RDH12: variants seen among roughly 807,000 people sequenced by gnomAD.
RDH12 encodes retinol dehydrogenase 12, also known as all-trans and 9-cis retinol dehydrogenase.
In RDH12, 21 loss-of-function variants were observed where a neutral mutation model predicts 34.0. The ratio of observed to expected loss-of-function variants is 0.62; its 90% CI spans 0.44 to 0.89. The LOEUF is 0.89. Ranked by LOEUF, RDH12 falls within the 40% of genes least tolerant of loss-of-function variation. The pLI is 0.00. For missense variants in RDH12, 394 were observed against 398.6 expected, an observed-to-expected ratio of 0.99 and a Z score of 0.10; for synonymous variants, 198 against 169.9, an observed-to-expected ratio of 1.17 and a Z score of -1.29.
chr14:67,718,398 G>T (rs1007134753), intron 1 of RDH12, among the ~76,000 whole-genome samples: 1 of 152,200 alleles, frequency 6.6e-6, no homozygotes, highest in Non-Finnish European at 1.5e-5. Context: ...CCAGGACAGG[G>T]ATAACCAGGA....
At chr14:67,721,467 G>C (rs903466637) in intron 2 of RDH12, among the ~76,000 whole-genome samples, 3 of 152,064 alleles carry the variant, frequency 2.0e-5, no homozygotes, top group African/African-American at 7.2e-5. Flanking sequence ...GCTCAGTCTT[G>C]AACTTCTGGC....
At chr14:67,708,531 A>T (rs563373124) in intron 1 of RDH12, among the ~76,000 whole-genome samples, 2 of 152,298 alleles carry the variant, frequency 1.3e-5, no homozygotes, top group South Asian at 4.1e-4. Context: ...TAAAGAAACA[A>T]TTGACAAGGA....
At chr14:67,722,332 G>T (rs928860223) in intron 2 of RDH12, 92 bp from the exon 3 acceptor site, 3 of 480,218 alleles carry the variant, frequency 6.2e-6, no homozygotes, top group African/African-American at 3.9e-5. Flanking sequence ...AGGATGGGGG[G>T]TTTAGGGGGT....
chr14:67,720,923 T>C (rs989842677), intron 2 of RDH12, 21 bp downstream of exon 2: 2 of 152,236 alleles, frequency 1.3e-5, no homozygotes, highest in African/African-American at 4.8e-5. Flanking sequence ...TCTTCTTAAA[T>C]GCAAGGATCT....
rs1206090637 is a variant in RDH12 at position 67,733,932 on chromosome 14, G to A, written c.*84G>A. On this transcript the variant is annotated 3_prime_UTR_variant, in exon 9 of 9. Coordinates refer to ENST00000551171, the MANE Select transcript of RDH12 (RefSeq NM_152443.3). ...AGGAGAAGGCCAACCCTAAAGGATT[G>A]TCCTCTTGGCCAGCTGGTGCTGCGA... is the stretch of plus-strand genomic sequence containing the variant. The A allele has an allele frequency of 7.8e-6, 8 of 1,023,778 alleles. No homozygotes were observed. In the East Asian group the frequency reaches 2.0e-4, roughly 26 times the overall value. The allele number at this position is 1,023,778 out of a possible 1,614,324, so 63.4% of individuals were successfully genotyped here. A position where few individuals can be genotyped will look rare whatever the true frequency, so the allele number is the denominator to read the frequency against.
chr14:67,728,711 G>GGA (rs1555390980), intron 7 of RDH12, among the ~76,000 whole-genome samples: 1 of 151,034 alleles, frequency 6.6e-6, no homozygotes, highest in East Asian at 2.0e-4. Flanking sequence ...TGTGGGGGGG[G>GGA]GGTGTTAATC....
chr14:67,731,514 C>T (rs2038275412), intron 8 of RDH12, among the ~76,000 whole-genome samples: 1 of 151,868 alleles, frequency 6.6e-6, no homozygotes, highest in South Asian at 2.1e-4. Context: ...TGCGCCTGGT[C>T]TTCCCATCAT....
At chr14:67,726,368 T>A (rs1055955899) in intron 6 of RDH12, among the ~76,000 whole-genome samples, 4 of 152,046 alleles carry the variant, frequency 2.6e-5, no homozygotes, top group African/African-American at 9.7e-5. Flanking sequence ...AGCCCCAAAT[T>A]TCAGGAAATA....
intron 1 of RDH12, among the ~76,000 whole-genome samples, chr14:67,705,380 C>T (rs951043574): frequency 2.6e-5 from 4 of 152,192 alleles, no homozygotes; most frequent in Admixed American, 6.5e-5. Flanking sequence ...TTAATGTGTA[C>T]GTCAACAGTT....
At position 67,724,413 on chromosome 14, in the gene RDH12, G is replaced by GT. The variant is rs2038161160; in HGVS notation, c.69-59dup. ...TAGAGTTTTTTTTTTTTTTTTTAAC[G>GT]TATCTTAGTGTGAGCTCGTGAAGGA... On this transcript the variant is annotated intron_variant, in intron 3 of 8. Coordinates refer to ENST00000551171, the MANE Select transcript of RDH12 (RefSeq NM_152443.3). The GT allele has an allele frequency of 8.4e-5, 71 of 840,654 alleles. No individual in the cohort carries two copies. In the African/African-American group the frequency reaches 9.6e-4, roughly 11 times the overall value. 52.1% of individuals were successfully genotyped at this position (840,654 alleles called of 1,614,324 possible). A position where few individuals can be genotyped will look rare whatever the true frequency, so the allele number is the denominator to read the frequency against.
At position 67,725,133 on chromosome 14, in the gene RDH12, G is replaced by A; in HGVS notation, c.222G>A (p.Leu74=). Reference sequence around the variant, plus strand: ...TCTATATTGCCTGCAGAGATGTACTGAAGGGGGAGTCTGCTGCCAGTGAAA... The same window carrying A: ...TCTATATTGCCTGCAGAGATGTACTAAAGGGGGAGTCTGCTGCCAGTGAAA... ...ARVYIACRDV[L]KGESAASEIR... The change falls in exon 5 of 9, where the codon CTG becomes CTA. Residue 74 remains leucine (L), a synonymous_variant. Coordinates refer to ENST00000551171, the MANE Select transcript of RDH12 (RefSeq NM_152443.3). 1.2e-6 allele frequency: 2 copies of A among 1,614,198 alleles called. No homozygotes were observed. Among genetic ancestry groups the A allele is most frequent in the South Asian group, 1.1e-5 (1 of 91,086 alleles).
chr14:67,717,893 G>C (rs1242966300), intron 1 of RDH12: 1 of 152,174 alleles, frequency 6.6e-6, no homozygotes, highest in East Asian at 1.9e-4. Context: ...GTGAGACCCT[G>C]TCTCTATTTT....
intron 1 of RDH12, among the ~76,000 whole-genome samples, chr14:67,709,117 G>A (rs1428140632): frequency 6.6e-6 from 1 of 152,116 alleles, no homozygotes; most frequent in Non-Finnish European, 1.5e-5. Flanking sequence ...GATTAATTAG[G>A]TCAGAAAAAG....
chr14:67,727,077 AG>A lies in RDH12; in HGVS notation c.546del (p.Ile183PhefsTer95), dbSNP rs1342290111. The A allele has an allele frequency of 6.2e-7, 1 of 1,614,038 alleles. No individual in the cohort carries two copies. Among genetic ancestry groups the A allele is most frequent in the Non-Finnish European group, 8.5e-7 (1 of 1,180,032 alleles). On this transcript the variant is annotated frameshift_variant, in exon 7 of 9. Coordinates refer to ENST00000551171, the MANE Select transcript of RDH12 (RefSeq NM_152443.3). LOFTEE classifies it high-confidence loss of function. ...NVSSVAHHIG[K>X]IPFHDLQSEK... ...TCCTCGGTGGCTCACCACATTGGCA[AG>A]ATTCCCTTCCACGACCTCCAGAGCG...
chr14:67,713,222 T>C (rs2038029166), intron 1 of RDH12, among the ~76,000 whole-genome samples: 1 of 151,326 alleles, frequency 6.6e-6, no homozygotes, highest in African/African-American at 2.4e-5. Context: ...AACAACTCTC[T>C]ACCATCCTAG....
At chr14:67,730,842 G>C (rs1034628082) in intron 8 of RDH12, among the ~76,000 whole-genome samples, 2 of 152,150 alleles carry the variant, frequency 1.3e-5, no homozygotes, top group African/African-American at 4.8e-5. Context: ...GACGTCAGTT[G>C]ATCCACCTGC....
At chr14:67,702,826 T>C (rs1013364277) in intron 1 of RDH12, among the ~76,000 whole-genome samples, 4 of 152,148 alleles carry the variant, frequency 2.6e-5, no homozygotes, top group Admixed American at 2.0e-4. Flanking sequence ...TTTTGATTTG[T>C]CTTTTGAAAC....
At chr14:67,717,774 T>C (rs1259818264) in intron 1 of RDH12, 1 of 152,196 alleles carries the variant, frequency 6.6e-6, no homozygotes, top group Non-Finnish European at 1.5e-5. Context: ...AGGCTCAAAA[T>C]GTCAATAGGC....
At position 67,722,526 on chromosome 14, in the gene RDH12, G is replaced by A. The variant is rs1324474001; in HGVS notation, c.-117G>A. ...TGCTGCTCAGCACCCAGGACGGAGA[G>A]GAGCAGAGAAGCAGCAGAAGCAGCC... On this transcript the variant is annotated 5_prime_UTR_variant, in exon 3 of 9. Transcript: ENST00000551171. 1.2e-6 allele frequency: 1 copy of A among 845,278 alleles called. No individual in the cohort carries two copies. The highest frequency in any genetic ancestry group is 1.7e-5 in the African/African-American group (1 of 60,240). 52.4% of individuals were successfully genotyped at this position (845,278 alleles called of 1,614,324 possible). A position where few individuals can be genotyped will look rare whatever the true frequency, so the allele number is the denominator to read the frequency against.
Sources: gnomAD v4.1 joint callset for allele counts (sites outside exome capture counted in the v4.1 genomes callset) on GRCh38, gnomAD v4.1.1 for gene constraint, MANE v1.5 for transcripts, NCBI Gene and HGNC (gene_info 2026-07-23, HGNC 2026-07-21) for gene names.